MMEL1: variants seen among roughly 807,000 people sequenced by gnomAD.
MMEL1 encodes membrane metalloendopeptidase like 1, also known as membrane metallo-endopeptidase-like 1.
A neutral mutation model predicts 117.1 loss-of-function variants in MMEL1; 98 were observed. That is an observed-to-expected ratio of 0.84 (90% CI 0.71 to 0.99). MMEL1 has a LOEUF of 0.99. MMEL1 is among the 50% of genes least tolerant of loss of function. MMEL1 has a pLI of 0.00. For missense variants in MMEL1, 1,014 were observed against 1,049.1 expected (o/e 0.97, Z 0.46); for synonymous variants, 390 against 415.1 (o/e 0.94, Z 0.74).
chr1:2,592,711 A>C lies in MMEL1; in HGVS notation c.2011T>G (p.Phe671Val), dbSNP rs1644756340. 2 of 1,611,132 alleles carry C rather than the reference A, an allele frequency of 1.2e-6. No individual in the cohort carries two copies. The highest frequency in any genetic ancestry group is 1.7e-6 in the Non-Finnish European group (2 of 1,179,042). ...DLADEQNVNG[F>V]NTLGENIADN... is the part of the protein sequence containing the mutation. ...GCAATGTTTTCCCCAAGGGTGTTGAATCCGTTCACCTGCGCACAGGAGACA... is the reference window on the plus strand; with the variant it reads ...GCAATGTTTTCCCCAAGGGTGTTGACTCCGTTCACCTGCGCACAGGAGACA... The change falls in exon 21 of 24, where the codon TTC becomes GTC. Residue 671 changes from phenylalanine to valine, a missense_variant. Phe to Val is a conservative substitution (Grantham distance 50). Transcript: ENST00000378412.
At position 2,598,432 on chromosome 1, in the gene MMEL1, C is replaced by T. The variant is rs980836289; in HGVS notation, c.1179-132G>A. On this transcript the variant is annotated intron_variant, in intron 12 of 23. Transcript: ENST00000378412. ...TGGGTGCTGGAGAAAACCTCCAGGA[C>T]AACCACCTCCAAGATCCAGCCCATC... 122 of 1,167,248 alleles carry T rather than the reference C, an allele frequency of 1.0e-4. 1 individual carries two copies. Among genetic ancestry groups the T allele is most frequent in the Non-Finnish European group, 1.3e-4 (108 of 820,304 alleles). The allele number at this position is 1,167,248 out of a possible 1,614,324, so 72.3% of individuals were successfully genotyped here. A position where few individuals can be genotyped will look rare whatever the true frequency, so the allele number is the denominator to read the frequency against.
chr1:2,590,925 C>A lies in MMEL1; in HGVS notation c.*65G>T, dbSNP rs1235722655. 2.4e-6 allele frequency: 3 copies of A among 1,253,940 alleles called. No individual in the cohort carries two copies. Among genetic ancestry groups the A allele is most frequent in the Non-Finnish European group, 3.1e-6 (3 of 959,172 alleles). The allele number at this position is 1,253,940 out of a possible 1,614,324, so 77.7% of individuals were successfully genotyped here. On this transcript the variant is annotated 3_prime_UTR_variant, in exon 24 of 24. Transcript: ENST00000378412. ...ACGTACACTGGGTCGCCGCTAGCTG[C>A]ACCTTCGCACAGATGCCTCCGAGCA...
In MMEL1 at chr1:2,630,457, C is replaced by T. The variant is rs550541454; in HGVS notation, c.-37-936G>A. ...CTGCATGAGCGTGAACGTGTGTGTG[C>T]GCTCTGGTGTGTGCATGTGTGTGTG... On this transcript the variant is annotated intron_variant, in intron 1 of 23. Transcript: ENST00000378412. 7.4e-4 allele frequency among the ~76,000 whole-genome samples: 112 copies of T among 151,842 alleles called. 1 individual carries two copies. Among genetic ancestry groups the T allele is most frequent in the Admixed American group, 1.4e-3 (21 of 15,276 alleles).
chr1:2,598,820 G>GGA (rs532677907), intron 11 of MMEL1, 30 bp from the exon 12 acceptor site: 19,921 of 1,575,334 alleles, frequency 0.013, 123 homozygotes, highest in Admixed American at 0.021. Flanking sequence ...GGAGAAAGAG[G>GGA]GAGAGAGAGA....
intron 1 of MMEL1, among the ~76,000 whole-genome samples, chr1:2,632,316 G>A (rs1638629810): frequency 6.6e-6 from 1 of 152,148 alleles, no homozygotes; most frequent in Non-Finnish European, 1.5e-5. Context: ...TGTGGGGGCC[G>A]CTTCACCTAG....
intron 17 of MMEL1, 24 bp downstream of exon 17, chr1:2,594,766 T>C (rs1644804919): frequency 6.9e-7 from 1 of 1,442,540 alleles, no homozygotes; most frequent in Non-Finnish European, 9.8e-7. Context: ...CCCCCGCCCA[T>C]GCCGCACCAG....
chr1:2,601,173 T>C (rs1644925937), intron 11 of MMEL1, among the ~76,000 whole-genome samples: 2 of 152,190 alleles, frequency 1.3e-5, no homozygotes, highest in Non-Finnish European at 2.9e-5. Flanking sequence ...AAGAACAAAG[T>C]TGAAATATAT....
intron 4 of MMEL1, among the ~76,000 whole-genome samples, chr1:2,611,009 T>C (rs1032889487): frequency 1.3e-5 from 2 of 152,238 alleles, no homozygotes; most frequent in Non-Finnish European, 2.9e-5. Context: ...TTTCTATAAA[T>C]GTGGACAAAA....
At chr1:2,592,771 C>T in intron 20 of MMEL1, 51 bp from the exon 21 acceptor site, 1 of 1,610,724 alleles carries the variant, frequency 6.2e-7, no homozygotes, top group Non-Finnish European at 8.5e-7. Flanking sequence ...CTTCCCTCTC[C>T]CTCAGGGCCA....
chr1:2,623,133 CA>C (rs1645315824), intron 2 of MMEL1, among the ~76,000 whole-genome samples: 1 of 151,486 alleles, frequency 6.6e-6, no homozygotes, highest in African/African-American at 2.4e-5. Context: ...CACGCCACTG[CA>C]CTCCAGCCTG....
intron 2 of MMEL1, among the ~76,000 whole-genome samples, chr1:2,624,984 G>A (rs1028494955): frequency 6.6e-5 from 10 of 152,152 alleles, no homozygotes; most frequent in African/African-American, 1.9e-4. Context: ...ACCAGATCTC[G>A]TGAGAACTCA....
At chr1:2,600,347 T>C (rs1198302669) in intron 11 of MMEL1, among the ~76,000 whole-genome samples, 2 of 151,920 alleles carry the variant, frequency 1.3e-5, no homozygotes, top group Non-Finnish European at 2.9e-5. Flanking sequence ...ATGCTCAAAA[T>C]CCTGTCCAGT....
At chr1:2,623,518 T>C (rs1301182909) in intron 2 of MMEL1, among the ~76,000 whole-genome samples, 1 of 152,170 alleles carries the variant, frequency 6.6e-6, no homozygotes, top group African/African-American at 2.4e-5. Flanking sequence ...GATATGTAAA[T>C]TATTTCACTT....
At chr1:2,623,994 A>G (rs1337596017) in intron 2 of MMEL1, among the ~76,000 whole-genome samples, 2 of 152,156 alleles carry the variant, frequency 1.3e-5, no homozygotes, top group African/African-American at 4.8e-5. Flanking sequence ...TCCTGCCTCT[A>G]GAGGAGGGGT....
intron 6 of MMEL1, among the ~76,000 whole-genome samples, chr1:2,608,684 C>G (rs529666938): frequency 1.3e-5 from 2 of 152,078 alleles, no homozygotes; most frequent in African/African-American, 4.8e-5. Context: ...CACACATATA[C>G]ACATACATGC....
chr1:2,591,033 C>A lies in MMEL1; in HGVS notation c.2297G>T (p.Arg766Leu). ...AAFADTFHCARGTPMHPKERC... is the reference protein window; with the variant it reads ...AAFADTFHCALGTPMHPKERC... ...CTCCTTGGGGTGCATGGGGGTGCCC[C>A]GGGCACAGTGGAACGTGTCTGCGAA... Residue 766 changes from arginine to leucine, a missense_variant, in exon 24 of 24, where the codon CGG becomes CTG. Arg to Leu is a moderately radical substitution (Grantham distance 102). Transcript: ENST00000378412. 1 of 1,606,118 alleles carries A rather than the reference C, an allele frequency of 6.2e-7. No homozygotes were observed. Among genetic ancestry groups the A allele is most frequent in the Non-Finnish European group, 8.5e-7 (1 of 1,177,196 alleles).
chr1:2,627,834 C>A (rs552771995), intron 2 of MMEL1, among the ~76,000 whole-genome samples: 18 of 152,190 alleles, frequency 1.2e-4, no homozygotes, highest in African/African-American at 4.1e-4. Flanking sequence ...GGGGTCTTGA[C>A]GGGGAACAGA....
intron 11 of MMEL1, among the ~76,000 whole-genome samples, chr1:2,599,689 G>A (rs1644900709): frequency 6.6e-6 from 1 of 152,034 alleles, no homozygotes; most frequent in South Asian, 2.1e-4. Flanking sequence ...GAAACCCTGT[G>A]TCTACTAAAA....
Position 2,632,642 on chromosome 1 carries a change from G to T in MMEL1, c.-38+224C>A, listed in dbSNP as rs116497823. ...CCTGGGGACACTCGTGGCCTCTCCA[G>T]GTTACTACAGATGGGGGACAGCGGG... is the stretch of plus-strand genomic sequence containing the variant. On this transcript the variant is annotated intron_variant, in intron 1 of 23. Coordinates refer to ENST00000378412, the MANE Select transcript of MMEL1 (RefSeq NM_033467.4). The T allele has an allele frequency of 3.5e-3, 611 of 176,982 alleles. 3 individuals carry two copies. The highest frequency in any genetic ancestry group is 5.8e-3 in the Non-Finnish European group (482 of 83,516). The allele number at this position is 176,982 out of a possible 1,614,324, so 11.0% of individuals were successfully genotyped here.
Sources: allele counts gnomAD v4.1 joint callset (sites outside exome capture counted in the v4.1 genomes callset), GRCh38; gene constraint gnomAD v4.1.1; transcripts MANE v1.5; gene names NCBI Gene and HGNC (gene_info 2026-07-23, HGNC 2026-07-21).